GULP1: variants seen among roughly 807,000 people sequenced by gnomAD.
The protein encoded by GULP1 is PTB domain-containing engulfment adapter protein 1.
GULP1 carries 19 observed loss-of-function variants against 40.9 expected under a neutral mutation model. That is an observed-to-expected ratio of 0.46 (90% CI 0.32 to 0.68). The LOEUF (loss-of-function observed/expected upper bound fraction) is 0.68. Among genes scored for constraint, GULP1 ranks in the 30% least tolerant of loss-of-function variants. The pLI, the probability that GULP1 is intolerant of heterozygous loss-of-function variation, is 0.03. For synonymous variants in GULP1, 119 were observed against 117.6 expected (o/e 1.01, Z -0.08); for missense variants, 312 against 362.2 (o/e 0.86, Z 1.12).
rs557551064 is a variant in GULP1 at position 188,457,087 on chromosome 2, G to C, written c.-44-20572G>C. Among the ~76,000 whole-genome samples the C allele has an allele frequency of 3.9e-5, 6 of 152,236 alleles. No homozygotes were observed. The East Asian group carries it at 1.2e-3, about 29-fold the overall frequency. On this transcript the variant is annotated intron_variant, in intron 2 of 11. Coordinates refer to ENST00000409830, the MANE Select transcript of GULP1 (RefSeq NM_016315.4). ...ATTGTATCTAGGAAGTAACTAGCTT[G>C]CTTTTGATTTTACAGGCTTATAGGC...
chr2:188,553,598 A>G (rs978233046), intron 7 of GULP1, among the ~76,000 whole-genome samples: 4 of 152,034 alleles, frequency 2.6e-5, no homozygotes, highest in Admixed American at 2.0e-4. Context: ...TTCATCAGGA[A>G]TATTGACCAG....
At chr2:188,520,397 G>A (rs1001641408) in intron 4 of GULP1, among the ~76,000 whole-genome samples, 4 of 151,912 alleles carry the variant, frequency 2.6e-5, no homozygotes, top group East Asian at 1.9e-4. Context: ...TTACATGGGC[G>A]TGGTGGCGCG....
At chr2:188,440,671 T>G (rs929730944) in intron 2 of GULP1, among the ~76,000 whole-genome samples, 2 of 152,160 alleles carry the variant, frequency 1.3e-5, no homozygotes, top group African/African-American at 4.8e-5. Flanking sequence ...TTCAAGCATT[T>G]CTCTCGCCTC....
chr2:188,487,607 T>A (rs1276143664), intron 4 of GULP1, among the ~76,000 whole-genome samples: 1 of 137,860 alleles, frequency 7.3e-6, no homozygotes, highest in African/African-American at 2.7e-5. Context: ...TTCTAAACTA[T>A]GGAACATCTT....
intron 9 of GULP1, among the ~76,000 whole-genome samples, chr2:188,572,297 T>C (rs1261950475): frequency 6.6e-6 from 1 of 152,206 alleles, no homozygotes; most frequent in Non-Finnish European, 1.5e-5. Flanking sequence ...GAGCCAGTTA[T>C]ATATAAAGAG....
chr2:188,393,123 A>G (rs1280507959), intron 2 of GULP1, among the ~76,000 whole-genome samples: 1 of 144,254 alleles, frequency 6.9e-6, no homozygotes, highest in Admixed American at 7.0e-5. Flanking sequence ...GCTTAAGTCC[A>G]TTTTTTTTTT....
intron 1 of GULP1, among the ~76,000 whole-genome samples, chr2:188,382,577 A>T (rs2049133362): frequency 6.6e-6 from 1 of 152,120 alleles, no homozygotes; most frequent in Admixed American, 6.5e-5. Context: ...TTCTCTCTAA[A>T]GTCATGTTAG....
chr2:188,510,673 T>A (rs146933815), intron 4 of GULP1, among the ~76,000 whole-genome samples: 1 of 152,136 alleles, frequency 6.6e-6, no homozygotes, highest in African/African-American at 2.4e-5. Context: ...ATATTATATG[T>A]GTAGATATCC....
At chr2:188,569,513 C>A in intron 8 of GULP1, 158 bp downstream of exon 8, 1 of 630,096 alleles carries the variant, frequency 1.6e-6, no homozygotes. Context: ...CGTTCCTGAT[C>A]CCCTGCACAG....
chr2:188,349,213 A>G (rs1394962795), intron 1 of GULP1, among the ~76,000 whole-genome samples: 2 of 152,152 alleles, frequency 1.3e-5, no homozygotes, highest in Admixed American at 1.3e-4. Flanking sequence ...TGCTCTGAAC[A>G]TTTGTATACA....
chr2:188,364,873 TAC>T (rs34440863), intron 1 of GULP1, among the ~76,000 whole-genome samples: 15 of 149,536 alleles, frequency 1.0e-4, no homozygotes, highest in East Asian at 2.0e-4. Context: ...CACACACATA[TAC>T]ACACACACAC....
At chr2:188,451,635 A>G (rs1162604509) in intron 2 of GULP1, among the ~76,000 whole-genome samples, 2 of 152,148 alleles carry the variant, frequency 1.3e-5, no homozygotes, top group African/African-American at 2.4e-5. Flanking sequence ...GGTTTTCTCA[A>G]TATTAATGTC....
At chr2:188,563,535 A>T (rs938484512) in intron 7 of GULP1, among the ~76,000 whole-genome samples, 10 of 149,632 alleles carry the variant, frequency 6.7e-5, no homozygotes, top group South Asian at 4.2e-4. Flanking sequence ...TTATATTTTT[A>T]AAAAATTATA....
At chr2:188,569,658 A>T in intron 8 of GULP1, 1 of 383,914 alleles carries the variant, frequency 2.6e-6, no homozygotes, top group South Asian at 2.6e-5. Flanking sequence ...GTGGTTTTCC[A>T]TGCAGATCAG....
intron 2 of GULP1, among the ~76,000 whole-genome samples, chr2:188,477,425 A>T (rs1233613166): frequency 6.6e-6 from 1 of 152,150 alleles, no homozygotes; most frequent in Non-Finnish European, 1.5e-5. Context: ...TAGAAAAAAG[A>T]CAAAATTGAA....
At chr2:188,296,055 A>G (rs2034849134) in intron 1 of GULP1, among the ~76,000 whole-genome samples, 2 of 152,146 alleles carry the variant, frequency 1.3e-5, no homozygotes, top group African/African-American at 4.8e-5. Context: ...AATGAATTCA[A>G]AGATAGTTAC....
intron 1 of GULP1, among the ~76,000 whole-genome samples, chr2:188,342,192 C>T (rs1199815364): frequency 2.6e-5 from 4 of 152,124 alleles, no homozygotes; most frequent in Non-Finnish European, 2.9e-5. Context: ...TCTCACAGTT[C>T]TGGAGGCCGG....
At position 188,399,690 on chromosome 2, in the gene GULP1, G is replaced by GAAAAAA. The variant is rs55877284; in HGVS notation, c.-45+15820_-45+15825dup. 2.7e-3 allele frequency among the ~76,000 whole-genome samples: 172 copies of GAAAAAA among 64,484 alleles called. 2 individuals are homozygous for GAAAAAA. Among genetic ancestry groups the GAAAAAA allele is most frequent in the East Asian group, 4.1e-3 (7 of 1,700 alleles). The allele number at this position is 64,484 out of a possible 152,430, so 42.3% of individuals were successfully genotyped here. A position where few individuals can be genotyped will look rare whatever the true frequency, so the allele number is the denominator to read the frequency against. Reference sequence around the variant, plus strand: ...GCAACATAGACCCCTGTCCCTACAAGAAAAAAAAAAAAAAAAAAAAAAAAC... The same window carrying GAAAAAA: ...GCAACATAGACCCCTGTCCCTACAAGAAAAAAAAAAAAAAAAAAAAAAAAAAAAAAC... On this transcript the variant is annotated intron_variant, in intron 2 of 11. Coordinates refer to ENST00000409830, the MANE Select transcript of GULP1 (RefSeq NM_016315.4).
At chr2:188,555,587 A>G (rs1405910012) in intron 7 of GULP1, among the ~76,000 whole-genome samples, 2 of 152,276 alleles carry the variant, frequency 1.3e-5, no homozygotes, top group East Asian at 3.9e-4. Context: ...TGTTAGGCTG[A>G]TACAATTTCC....
Sources: gnomAD v4.1 joint callset for allele counts (sites outside exome capture counted in the v4.1 genomes callset) on GRCh38, gnomAD v4.1.1 for gene constraint, MANE v1.5 for transcripts, NCBI Gene and HGNC (gene_info 2026-07-23, HGNC 2026-07-21) for gene names.